Variants in SH2D4B observed in about 807,000 individuals in gnomAD.
SH2D4B encodes SH2 domain-containing protein 4B.
A neutral mutation model predicts 61.5 loss-of-function variants in SH2D4B; 45 were observed. That is an observed-to-expected ratio of 0.73 (90% CI 0.58 to 0.94). The LOEUF (loss-of-function observed/expected upper bound fraction) is 0.94, where lower values mean the gene tolerates loss of function less well. Ranked by LOEUF, SH2D4B falls within the 40% of genes least tolerant of loss-of-function variation. The pLI, the probability that SH2D4B is intolerant of heterozygous loss-of-function variation, is 0.00. For synonymous variants in SH2D4B, 224 were observed against 220.4 expected (o/e 1.02, Z -0.14); for missense variants, 572 against 574.2 (o/e 1.00, Z 0.04).
In SH2D4B at chr10:80,566,928, TTAAAAA is replaced by T. The variant is rs1443610358; in HGVS notation, c.185-3223_185-3218del. Among the ~76,000 whole-genome samples the T allele has an allele frequency of 3.9e-5, 6 of 152,208 alleles. 1 individual carries two copies. Among genetic ancestry groups the T allele is most frequent in the Admixed American group, 1.3e-4 (2 of 15,278 alleles). ...TTACTATATATTGCTTGTAACATAC[TTAAAAA>T]TAGCAATGCACTCCTATATATATCT... On this transcript the variant is annotated intron_variant, in intron 1 of 7. Transcript: ENST00000646907.
At chr10:80,562,894 C>CTTTTTT (rs34539206) in intron 1 of SH2D4B, among the ~76,000 whole-genome samples, 179 of 74,678 alleles carry the variant, frequency 2.4e-3, no homozygotes, top group East Asian at 4.4e-3. Context: ...AACATTTTTT[C>CTTTTTT]TTTTTTTTTT....
At chr10:80,561,954 C>T (rs1336865232) in intron 1 of SH2D4B, among the ~76,000 whole-genome samples, 1 of 151,586 alleles carries the variant, frequency 6.6e-6, no homozygotes, top group Non-Finnish European at 1.5e-5. Flanking sequence ...TATGAGTAAT[C>T]CACCTGCTTT....
intron 3 of SH2D4B, among the ~76,000 whole-genome samples, chr10:80,571,783 T>C (rs543804184): frequency 1.3e-5 from 2 of 150,500 alleles, no homozygotes; most frequent in South Asian, 2.1e-4. Flanking sequence ...TTTCTTTTTT[T>C]TTTTTTTTGA....
intron 6 of SH2D4B, among the ~76,000 whole-genome samples, chr10:80,628,240 C>T (rs934089756): frequency 1.3e-5 from 2 of 152,062 alleles, no homozygotes; most frequent in African/African-American, 2.4e-5. Flanking sequence ...TGAATTCCCA[C>T]GTGTTCGGGA....
At chr10:80,639,823 T>C (rs1230990187) in intron 7 of SH2D4B, among the ~76,000 whole-genome samples, 5 of 152,246 alleles carry the variant, frequency 3.3e-5, no homozygotes, top group Non-Finnish European at 7.3e-5. Context: ...CCTGTCATTA[T>C]GATGTTCGCT....
At chr10:80,549,217 G>GTC (rs980129051) in intron 1 of SH2D4B, among the ~76,000 whole-genome samples, 1 of 151,250 alleles carries the variant, frequency 6.6e-6, no homozygotes, top group African/African-American at 2.4e-5. Flanking sequence ...GTGTGTGTGT[G>GTC]TGTGTGTGTG....
intron 3 of SH2D4B, among the ~76,000 whole-genome samples, chr10:80,573,066 G>T (rs1460081396): frequency 1.8e-5 from 2 of 108,192 alleles, no homozygotes; most frequent in East Asian, 3.3e-4. Context: ...CTCACTGCAA[G>T]CTCCGCCTCC....
At chr10:80,629,801 T>G (rs1416401919) in intron 6 of SH2D4B, among the ~76,000 whole-genome samples, 1 of 152,202 alleles carries the variant, frequency 6.6e-6, no homozygotes, top group African/African-American at 2.4e-5. Flanking sequence ...CAATACCACT[T>G]AATAGATGAG....
At chr10:80,606,317 T>A (rs986445024) in intron 5 of SH2D4B, among the ~76,000 whole-genome samples, 1 of 151,888 alleles carries the variant, frequency 6.6e-6, no homozygotes, top group South Asian at 2.1e-4. Flanking sequence ...TTTAATAAAA[T>A]TTATTTAATT....
At position 80,538,520 on chromosome 10, in the gene SH2D4B, G is replaced by T. The variant is rs1197412890; in HGVS notation, c.184+5G>T. 7.3e-7 allele frequency: 1 copy of T among 1,376,300 alleles called. No homozygotes were observed. Among genetic ancestry groups the T allele is most frequent in the Non-Finnish European group, 9.5e-7 (1 of 1,057,706 alleles). The allele number at this position is 1,376,300 out of a possible 1,614,324, so 85.3% of individuals were successfully genotyped here. ...GGCCTCCAAAGACCAAGCGAGGTACGTGGCTGGGAGTCACAGAGAGGTAGG... is the reference window on the plus strand; with the variant it reads ...GGCCTCCAAAGACCAAGCGAGGTACTTGGCTGGGAGTCACAGAGAGGTAGG... On this transcript the variant is annotated splice_donor_5th_base_variant and intron_variant, in intron 1 of 7. Transcript: ENST00000646907. This position sits in a 1 kb window ranked among gnomAD's most constrained non-coding sequence, Gnocchi z 4.8.
At chr10:80,569,690 C>T (rs111592385) in intron 1 of SH2D4B, among the ~76,000 whole-genome samples, 226 of 151,692 alleles carry the variant, frequency 1.5e-3, no homozygotes, top group African/African-American at 4.6e-3. Flanking sequence ...CCCTCTTTGT[C>T]TCCTGGGGGG....
chr10:80,546,004 CTCTCTCTT>C (rs943953470), intron 1 of SH2D4B, among the ~76,000 whole-genome samples: 3 of 146,012 alleles, frequency 2.1e-5, no homozygotes, highest in Admixed American at 6.8e-5. Context: ...TCTCCTTTCT[CTCTCTCTT>C]TCTTTCTTTC....
chr10:80,551,076 G>A (rs965894389), intron 1 of SH2D4B, among the ~76,000 whole-genome samples: 1 of 151,918 alleles, frequency 6.6e-6, no homozygotes, highest in African/African-American at 2.4e-5. Context: ...TTTTTGAGAC[G>A]GAGTCTCACT....
At chr10:80,561,647 T>C (rs1841903429) in intron 1 of SH2D4B, among the ~76,000 whole-genome samples, 1 of 152,182 alleles carries the variant, frequency 6.6e-6, no homozygotes, top group African/African-American at 2.4e-5. Flanking sequence ...CTTCCTTTTA[T>C]GGTAACATGT....
intron 1 of SH2D4B, among the ~76,000 whole-genome samples, chr10:80,554,240 G>A (rs1018057260): frequency 1.3e-5 from 2 of 152,316 alleles, no homozygotes; most frequent in South Asian, 2.1e-4. Flanking sequence ...GAGAGGGGCC[G>A]TATCCTCAGC....
At chr10:80,571,699 T>C (rs1033885017) in intron 3 of SH2D4B, 121 bp downstream of exon 3, 2 of 1,073,378 alleles carry the variant, frequency 1.9e-6, no homozygotes, top group Non-Finnish European at 2.7e-6. Context: ...TTTATGAGAA[T>C]AGAAATCTGT....
intron 6 of SH2D4B, among the ~76,000 whole-genome samples, chr10:80,614,409 C>A: frequency 6.6e-6 from 1 of 152,326 alleles, no homozygotes; most frequent in African/African-American, 2.4e-5. Context: ...GAGGACAGCA[C>A]CAAGCCATGA....
At chr10:80,582,581 A>T (rs569654578) in intron 3 of SH2D4B, among the ~76,000 whole-genome samples, 30 of 152,242 alleles carry the variant, frequency 2.0e-4, no homozygotes, top group Non-Finnish European at 3.5e-4. Flanking sequence ...TTGATGAGGG[A>T]TATGGTCAGA....
intron 6 of SH2D4B, among the ~76,000 whole-genome samples, chr10:80,615,994 C>G (rs528381865): frequency 5.3e-5 from 8 of 152,208 alleles, no homozygotes; most frequent in Admixed American, 1.3e-4. Context: ...AACCGAGGCA[C>G]GTGCAAGGTG....
Sources: gnomAD v4.1 joint callset for allele counts (sites outside exome capture counted in the v4.1 genomes callset) on GRCh38, gnomAD v4.1.1 for gene constraint, Gnocchi (gnomAD v3.1) non-coding constraint, MANE v1.5 for transcripts, NCBI Gene and HGNC (gene_info 2026-07-23, HGNC 2026-07-21) for gene names.